The following SLC44A5 variants were observed in gnomAD, a reference collection of about 807,000 sequenced individuals.
SLC44A5 encodes solute carrier family 44 member 5.
SLC44A5 carries 57 observed loss-of-function variants against 101.8 expected under a neutral mutation model. That is an observed-to-expected ratio of 0.56 (90% CI 0.45 to 0.70). The LOEUF is 0.70. SLC44A5 is among the 30% of genes least tolerant of loss of function. The pLI is 0.00. For missense variants in SLC44A5, 737 were observed against 853.1 expected (o/e 0.86, Z 1.70); for synonymous variants, 281 against 290.9 (o/e 0.97, Z 0.35).
chr1:75,469,900 G>GAAA (rs1171157547), intron 2 of SLC44A5, among the ~76,000 whole-genome samples: 841 of 77,772 alleles, frequency 0.011, 10 homozygotes, highest in African/African-American at 0.014. Context: ...ACCTTGTGAA[G>GAAA]AAAAAAAAAA....
At chr1:75,277,733 GGA>G (rs375479107) in intron 5 of SLC44A5, among the ~76,000 whole-genome samples, 182 of 152,116 alleles carry the variant, frequency 1.2e-3, no homozygotes, top group African/African-American at 4.1e-3. Flanking sequence ...TGGGGATAAA[GGA>G]GAGAGAGATG....
chr1:75,473,346 T>A (rs915816267), intron 2 of SLC44A5, among the ~76,000 whole-genome samples: 1 of 152,176 alleles, frequency 6.6e-6, no homozygotes, highest in Non-Finnish European at 1.5e-5. Flanking sequence ...GCTTACAAGA[T>A]GAAAATGTGT....
intron 1 of SLC44A5, among the ~76,000 whole-genome samples, chr1:75,602,959 T>C (rs1675067517): frequency 6.6e-6 from 1 of 152,020 alleles, no homozygotes; most frequent in Non-Finnish European, 1.5e-5. Flanking sequence ...TTTATTTATG[T>C]ATATTTAATT....
At chr1:75,683,481 T>C in the SLC44A5 span, among the ~76,000 whole-genome samples, 216 of 151,980 alleles carry the variant, frequency 1.4e-3, 1 homozygote, top group Admixed American at 2.2e-3. Context: ...TTGGAAATCA[T>C]CATTCTCAGT....
intron 1 of SLC44A5, among the ~76,000 whole-genome samples, chr1:75,583,088 C>T (rs1000644851): frequency 1.3e-5 from 2 of 152,096 alleles, no homozygotes; most frequent in Non-Finnish European, 2.9e-5. Context: ...TGATTTGGAA[C>T]GTCCCCTCCT....
At chr1:75,266,975 G>A (rs538407401) in intron 6 of SLC44A5, among the ~76,000 whole-genome samples, 4 of 152,336 alleles carry the variant, frequency 2.6e-5, no homozygotes, top group African/African-American at 7.2e-5. Flanking sequence ...GAGATTGTCA[G>A]CACTATATTT....
chr1:75,516,678 C>A (rs1669858348), intron 2 of SLC44A5, among the ~76,000 whole-genome samples: 1 of 152,104 alleles, frequency 6.6e-6, no homozygotes, highest in South Asian at 2.1e-4. Flanking sequence ...GGGTAGGCAC[C>A]GTGCATGCTG....
intron 1 of SLC44A5, among the ~76,000 whole-genome samples, chr1:75,607,933 G>A (rs758611581): frequency 4.0e-5 from 6 of 151,894 alleles, no homozygotes; most frequent in African/African-American, 1.5e-4. Context: ...TATCTATGCT[G>A]TATATTATGT....
chr1:75,336,691 T>C (rs755267500), intron 4 of SLC44A5, among the ~76,000 whole-genome samples: 20 of 152,184 alleles, frequency 1.3e-4, no homozygotes, highest in Non-Finnish European at 2.6e-4. Context: ...TTAATGACTT[T>C]GACCTAATAT....
the SLC44A5 span, among the ~76,000 whole-genome samples, chr1:75,664,259 G>T: frequency 3.3e-5 from 5 of 152,166 alleles, no homozygotes; most frequent in East Asian, 9.7e-4. Flanking sequence ...AATAAGACAA[G>T]GATGCCCACT....
chr1:75,242,827 A>G, intron 8 of SLC44A5, 59 bp downstream of exon 8: 4 of 1,519,006 alleles, frequency 2.6e-6, no homozygotes, highest in Non-Finnish European at 3.5e-6. Flanking sequence ...CTCACGTTAC[A>G]CTTGAGATTG....
At chr1:75,270,514 A>C (rs1166644291) in intron 6 of SLC44A5, among the ~76,000 whole-genome samples, 1 of 152,144 alleles carries the variant, frequency 6.6e-6, no homozygotes, top group Non-Finnish European at 1.5e-5. Context: ...GTCTATATAC[A>C]AAAATAAATT....
At chr1:75,661,388 A>T in the SLC44A5 span, among the ~76,000 whole-genome samples, 1 of 6,664 alleles carries the variant, frequency 1.5e-4, no homozygotes, top group Non-Finnish European at 7.6e-4. Flanking sequence ...TACTGCAAGT[A>T]AAAAAAAAAA....
At position 75,219,163 on chromosome 1, in the gene SLC44A5, C is replaced by A. The variant is rs527971408; in HGVS notation, c.1266+94G>T. On this transcript the variant is annotated intron_variant, in intron 16 of 23. Transcript: ENST00000370859. Reference sequence around the variant, plus strand: ...AGTTGTCCCCATCAGTGTATAGGATCTCTGCTTCGGGACAATTCCTACCAC... The same window carrying A: ...AGTTGTCCCCATCAGTGTATAGGATATCTGCTTCGGGACAATTCCTACCAC... 10 of 887,026 alleles carry A rather than the reference C, an allele frequency of 1.1e-5. No individual in the cohort carries two copies. In the East Asian group the frequency reaches 2.5e-4, roughly 22 times the overall value. 54.9% of individuals were successfully genotyped at this position (887,026 alleles called of 1,614,324 possible).
chr1:75,436,002 T>C (rs1333386817), intron 2 of SLC44A5, among the ~76,000 whole-genome samples: 1 of 152,118 alleles, frequency 6.6e-6, no homozygotes, highest in Non-Finnish European at 1.5e-5. Context: ...CCATTAAAAA[T>C]AAATTTAAAA....
intron 2 of SLC44A5, among the ~76,000 whole-genome samples, chr1:75,530,272 C>T (rs1295240965): frequency 6.6e-6 from 1 of 152,060 alleles, no homozygotes; most frequent in Non-Finnish European, 1.5e-5. Flanking sequence ...TTTCACTCCT[C>T]TTAATATCAA....
chr1:75,481,113 A>G (rs1437708808), intron 2 of SLC44A5, among the ~76,000 whole-genome samples: 4 of 152,246 alleles, frequency 2.6e-5, no homozygotes, highest in Admixed American at 2.6e-4. Context: ...ATCTACAACT[A>G]TCTGATCTTT....
chr1:75,488,561 G>C (rs1316128014), intron 2 of SLC44A5, among the ~76,000 whole-genome samples: 2 of 152,168 alleles, frequency 1.3e-5, no homozygotes, highest in African/African-American at 4.8e-5. Flanking sequence ...ATTTTAAAAT[G>C]ACTGTCCAAA....
At chr1:75,494,588 T>C (rs926425124) in intron 2 of SLC44A5, among the ~76,000 whole-genome samples, 1 of 152,114 alleles carries the variant, frequency 6.6e-6, no homozygotes, top group African/African-American at 2.4e-5. Context: ...AACTTCTCCC[T>C]AGGAGTTGGC....
Sources: gnomAD v4.1 joint callset for allele counts (sites outside exome capture counted in the v4.1 genomes callset) on GRCh38, gnomAD v4.1.1 for gene constraint, MANE v1.5 for transcripts, NCBI Gene and HGNC (gene_info 2026-07-23, HGNC 2026-07-21) for gene names.